ITPR2: variants seen among roughly 807,000 people sequenced by gnomAD.
ITPR2 encodes inositol 1,4,5-trisphosphate-gated calcium channel ITPR2.
A neutral mutation model predicts 317.1 loss-of-function variants in ITPR2; 207 were observed. The ratio of observed to expected loss-of-function variants is 0.65; its 90% CI spans 0.58 to 0.73. The LOEUF (loss-of-function observed/expected upper bound fraction) is 0.73. ITPR2 is among the 30% of genes least tolerant of loss of function. The pLI, the probability that ITPR2 is intolerant of heterozygous loss-of-function variation, is 0.00. For missense variants in ITPR2, 2,613 were observed against 3,284.0 expected, an observed-to-expected ratio of 0.80 and a Z score of 4.99; for synonymous variants, 1,156 against 1,149.1, an observed-to-expected ratio of 1.01 and a Z score of -0.12.
chr12:26,698,434 A>G (rs1948389068), intron 9 of ITPR2, among the ~76,000 whole-genome samples: 1 of 152,252 alleles, frequency 6.6e-6, no homozygotes. Flanking sequence ...TCTCAAAGAC[A>G]TTAAGTGGAT....
intron 37 of ITPR2, among the ~76,000 whole-genome samples, chr12:26,511,812 G>T (rs1169882139): frequency 6.6e-6 from 1 of 152,206 alleles, no homozygotes; most frequent in African/African-American, 2.4e-5. Context: ...GAGGCTGGTA[G>T]AACATAGCTA....
chr12:26,372,551 T>C (rs1360164442), intron 55 of ITPR2, among the ~76,000 whole-genome samples: 1 of 152,168 alleles, frequency 6.6e-6, no homozygotes, highest in African/African-American at 2.4e-5. Flanking sequence ...AACCACCACA[T>C]CGCACTGTGT....
At chr12:26,640,155 T>A (rs934780294) in intron 21 of ITPR2, among the ~76,000 whole-genome samples, 2 of 152,176 alleles carry the variant, frequency 1.3e-5, no homozygotes, top group African/African-American at 2.4e-5. Flanking sequence ...GCAATATTTA[T>A]AACTACAGAA....
At chr12:26,742,615 G>A in intron 2 of ITPR2, among the ~76,000 whole-genome samples, 1 of 152,092 alleles carries the variant, frequency 6.6e-6, no homozygotes, top group East Asian at 1.9e-4. Flanking sequence ...AGGAGTTTGA[G>A]ACCAGCCTGG....
At chr12:26,721,244 G>A in intron 5 of ITPR2, 2 of 492,462 alleles carry the variant, frequency 4.1e-6, no homozygotes, top group Non-Finnish European at 7.4e-6. Flanking sequence ...AAGACTTAAA[G>A]TGCATCACAT....
intron 37 of ITPR2, among the ~76,000 whole-genome samples, chr12:26,518,811 G>C (rs1219350508): frequency 2.0e-5 from 3 of 152,026 alleles, no homozygotes; most frequent in African/African-American, 7.2e-5. Context: ...AAGAAGGAAA[G>C]CCTGAAATAC....
At chr12:26,748,748 C>T (rs913806304) in intron 2 of ITPR2, among the ~76,000 whole-genome samples, 1 of 152,094 alleles carries the variant, frequency 6.6e-6, no homozygotes, top group African/African-American at 2.4e-5. Context: ...ATACCATTTC[C>T]TTCAGGAAAC....
chr12:26,737,234 CT>C (rs1014296011), intron 2 of ITPR2, among the ~76,000 whole-genome samples: 13 of 148,654 alleles, frequency 8.7e-5, no homozygotes, highest in African/African-American at 2.2e-4. Context: ...TTCTATTTTT[CT>C]TTTTTTTTTC....
intron 36 of ITPR2, among the ~76,000 whole-genome samples, chr12:26,551,329 C>G (rs756574047): frequency 1.3e-5 from 2 of 152,206 alleles, no homozygotes; most frequent in Non-Finnish European, 2.9e-5. Context: ...GCCTATGAGA[C>G]AGGTTCAGAC....
intron 55 of ITPR2, among the ~76,000 whole-genome samples, chr12:26,370,130 T>C (rs1356712686): frequency 1.3e-5 from 2 of 152,194 alleles, no homozygotes; most frequent in Non-Finnish European, 2.9e-5. Flanking sequence ...CTCCTGTGAA[T>C]TCTGTGAGTC....
At chr12:26,678,429 A>AGAG (rs397688682) in intron 13 of ITPR2, among the ~76,000 whole-genome samples, 1 of 149,738 alleles carries the variant, frequency 6.7e-6, no homozygotes, top group Non-Finnish European at 1.5e-5. Context: ...AGAGAGAGAG[A>AGAG]AAAAAAAAAT....
At chr12:26,472,427 T>C (rs1175560540) in intron 45 of ITPR2, among the ~76,000 whole-genome samples, 1 of 152,194 alleles carries the variant, frequency 6.6e-6, no homozygotes, top group Non-Finnish European at 1.5e-5. Context: ...TTTCTCTACT[T>C]CTATATTGGA....
intron 46 of ITPR2, among the ~76,000 whole-genome samples, chr12:26,441,020 C>A (rs1365834096): frequency 6.6e-6 from 1 of 152,016 alleles, no homozygotes; most frequent in African/African-American, 2.4e-5. Context: ...CAACATGAAC[C>A]CCAACAGGTA....
intron 2 of ITPR2, among the ~76,000 whole-genome samples, chr12:26,776,218 A>G (rs1401273744): frequency 6.6e-6 from 1 of 152,124 alleles, no homozygotes; most frequent in Non-Finnish European, 1.5e-5. Flanking sequence ...CTCACCACTC[A>G]TGAGAGGCAA....
At chr12:26,738,358 A>G (rs945176629) in intron 2 of ITPR2, among the ~76,000 whole-genome samples, 1 of 152,188 alleles carries the variant, frequency 6.6e-6, no homozygotes, top group African/African-American at 2.4e-5. Context: ...GAAAGGTAGG[A>G]CTTCCAGAAA....
chr12:26,490,851 T>TC (rs1303472019), intron 39 of ITPR2, among the ~76,000 whole-genome samples: 1 of 152,092 alleles, frequency 6.6e-6, no homozygotes, highest in African/African-American at 2.4e-5. Context: ...GGTAGAAATG[T>TC]CATTAAAGAC....
In ITPR2 at chr12:26,380,156, A is replaced by G. The variant is rs117342760; in HGVS notation, c.7857+7278T>C. On this transcript the variant is annotated intron_variant, in intron 55 of 56. Coordinates refer to ENST00000381340, the MANE Select transcript of ITPR2 (RefSeq NM_002223.4). ...CAAAGTCTAACAACCTAAGCACTGGACCAGAATCCTTAAGATGAAGTCTTC... is the reference window on the plus strand; with the variant it reads ...CAAAGTCTAACAACCTAAGCACTGGGCCAGAATCCTTAAGATGAAGTCTTC... Among the ~76,000 whole-genome samples the G allele has an allele frequency of 3.7e-3, 570 of 152,298 alleles. 10 individuals carry two copies. The highest frequency in any genetic ancestry group is 0.012 in the African/African-American group (481 of 41,558).
chr12:26,478,031 A>C (rs1942456421), intron 43 of ITPR2, among the ~76,000 whole-genome samples: 1 of 152,188 alleles, frequency 6.6e-6, no homozygotes, highest in South Asian at 2.1e-4. Flanking sequence ...CAAAGTTAAC[A>C]TATCATAGAA....
intron 23 of ITPR2, among the ~76,000 whole-genome samples, chr12:26,624,998 T>TTAATGGCTGAATA (rs1946587920): frequency 1.3e-5 from 2 of 152,074 alleles, no homozygotes; most frequent in African/African-American, 4.8e-5. Flanking sequence ...GGAGTACTAT[T>TTAATGGCTGAATA]CAGCCATTAA....
Sources: gnomAD v4.1 joint callset for allele counts (sites outside exome capture counted in the v4.1 genomes callset) on GRCh38, gnomAD v4.1.1 for gene constraint, MANE v1.5 for transcripts, NCBI Gene and HGNC (gene_info 2026-07-23, HGNC 2026-07-21) for gene names.